The following NDUFAB1 variants were observed in gnomAD, a reference collection of about 807,000 sequenced individuals.
NDUFAB1 encodes NADH:ubiquinone oxidoreductase subunit AB1.
A neutral mutation model predicts 16.1 loss-of-function variants in NDUFAB1; 5 were observed. That is an observed-to-expected ratio of 0.31 (90% CI 0.16 to 0.65). The LOEUF is 0.65. NDUFAB1 is among the 30% of genes least tolerant of loss of function. The pLI is 0.77. For missense variants in NDUFAB1, 187 were observed against 205.3 expected (o/e 0.91, Z 0.54); for synonymous variants, 85 against 78.4 (o/e 1.08, Z -0.44).
intron 3 of NDUFAB1, 50 bp downstream of exon 3, chr16:23,585,286 A>C: frequency 7.5e-7 from 1 of 1,340,958 alleles, no homozygotes; most frequent in Non-Finnish European, 1.1e-6. Context: ...TTTCAGTTTA[A>C]TCCACCTTAA....
chr16:23,584,829 A>G (rs113322432), intron 3 of NDUFAB1, among the ~76,000 whole-genome samples: 10 of 152,332 alleles, frequency 6.6e-5, no homozygotes, highest in African/African-American at 2.4e-4. Context: ...TCACGCAGAA[A>G]CAGCCATGGA....
intron 1 of NDUFAB1, among the ~76,000 whole-genome samples, chr16:23,590,611 A>G (rs570586754): frequency 6.9e-6 from 1 of 145,326 alleles, no homozygotes; most frequent in Non-Finnish European, 1.5e-5. Flanking sequence ...TGATCCTACT[A>G]CCCTCTCATG....
chr16:23,594,531 T>C (rs1423218243), intron 1 of NDUFAB1, among the ~76,000 whole-genome samples: 1 of 151,764 alleles, frequency 6.6e-6, no homozygotes. Flanking sequence ...TTTTTGTATG[T>C]TTAGTAGAGA....
intron 3 of NDUFAB1, among the ~76,000 whole-genome samples, chr16:23,583,742 G>A (rs801755): frequency 0.028 from 3,509 of 123,998 alleles, 595 homozygotes; most frequent in African/African-American, 0.065. Context: ...CCCGGCAGCC[G>A]CCCCGTCAGG....
rs1491184220 is a variant in NDUFAB1 at position 23,584,255 on chromosome 16, T to TTAAAAAAAAAA, written c.379+1080_379+1081insTTTTTTTTTTA. On this transcript the variant is annotated intron_variant, in intron 3 of 4. Transcript: ENST00000007516. ...CGAGAAACACCCAAGAATGATCAAT[T>TTAAAAAAAAAA]AAAAAAAAAAAAAAAAAAAGAAACC... Among the ~76,000 whole-genome samples, 30 of 34,046 alleles carry TTAAAAAAAAAA rather than the reference T, an allele frequency of 8.8e-4. 5 individuals are homozygous for TTAAAAAAAAAA. The South Asian group carries it at 0.01, about 11-fold the overall frequency. 22.3% of individuals were successfully genotyped at this position (34,046 alleles called of 152,430 possible).
In NDUFAB1 at chr16:23,596,243, G is replaced by T. The variant is rs1185074115; in HGVS notation, c.48C>A (p.Ala16=). ...LSAYVSRLPA[A]FAPLPRVRML... ...TCCGGACCCGGGGCAGCGGCGCAAA[G>T]GCCGCGGGCAGGCGGCTGACATAGG... The change falls in exon 1 of 5, where the codon GCC becomes GCA. Residue 16 remains alanine (A), a synonymous_variant. Coordinates refer to ENST00000007516, the MANE Select transcript of NDUFAB1 (RefSeq NM_005003.3). 2 of 1,603,740 alleles carry T rather than the reference G, an allele frequency of 1.2e-6. No homozygotes were observed. The highest frequency in any genetic ancestry group is 1.1e-5 in the South Asian group (1 of 89,904).
chr16:23,595,165 T>C (rs1029271623), intron 1 of NDUFAB1, among the ~76,000 whole-genome samples: 1 of 151,940 alleles, frequency 6.6e-6, no homozygotes, highest in South Asian at 2.1e-4. Flanking sequence ...GGGAGGAGAA[T>C]TGCTTGAACC....
chr16:23,581,395 A>G (rs1966178140), intron 4 of NDUFAB1, among the ~76,000 whole-genome samples: 1 of 151,994 alleles, frequency 6.6e-6, no homozygotes, highest in African/African-American at 2.4e-5. Context: ...AAAATATAAA[A>G]ATTAGCTGGG....
At chr16:23,583,070 C>T (rs958935072) in intron 3 of NDUFAB1, among the ~76,000 whole-genome samples, 1 of 152,258 alleles carries the variant, frequency 6.6e-6, no homozygotes, top group African/African-American at 2.4e-5. Context: ...CTGCCAGCCT[C>T]GGCCTCCCGA....
chr16:23,585,862 C>CT (rs781249868), intron 2 of NDUFAB1, among the ~76,000 whole-genome samples: 1 of 152,130 alleles, frequency 6.6e-6, no homozygotes, highest in Non-Finnish European at 1.5e-5. Context: ...ACATGGTTTG[C>CT]TTTATCTTAC....
At chr16:23,586,102 AT>A (rs1966230518) in intron 2 of NDUFAB1, among the ~76,000 whole-genome samples, 1 of 151,486 alleles carries the variant, frequency 6.6e-6, no homozygotes, top group African/African-American at 2.4e-5. Flanking sequence ...TAATTTTTGT[AT>A]TTTTAGTAGA....
At chr16:23,587,744 T>C (rs1966245859) in intron 1 of NDUFAB1, among the ~76,000 whole-genome samples, 1 of 152,254 alleles carries the variant, frequency 6.6e-6, no homozygotes, top group Non-Finnish European at 1.5e-5. Context: ...GAAAGAGCTG[T>C]CATGGTAAAC....
At chr16:23,584,287 C>A (rs1308303646) in intron 3 of NDUFAB1, among the ~76,000 whole-genome samples, 2 of 95,164 alleles carry the variant, frequency 2.1e-5, no homozygotes, top group Admixed American at 2.0e-4. Context: ...AACCCAGTGC[C>A]CGTCAGCAGT....
intron 1 of NDUFAB1, among the ~76,000 whole-genome samples, chr16:23,590,636 C>CTCTATTTCTTCT (rs138907008): frequency 0.026 from 2,805 of 106,140 alleles, 105 homozygotes; most frequent in African/African-American, 0.11. Flanking sequence ...TGCCTCTGGT[C>CTCTATTTCTTCT]TCTTTTTTTT....
intron 3 of NDUFAB1, among the ~76,000 whole-genome samples, chr16:23,585,012 T>C (rs1255839476): frequency 6.6e-6 from 1 of 152,252 alleles, no homozygotes; most frequent in African/African-American, 2.4e-5. Context: ...GTCATCAGCA[T>C]GTGTTCCGGG....
At chr16:23,585,474 T>G (rs754914821) in intron 2 of NDUFAB1, 51 bp from the exon 3 acceptor site, 9 of 1,306,698 alleles carry the variant, frequency 6.9e-6, no homozygotes, top group Non-Finnish European at 1.0e-5. Flanking sequence ...AAGCATCTGC[T>G]TCCCAAGATA....
chr16:23,584,330 C>CCGTGTACTT (rs111252909), intron 3 of NDUFAB1, among the ~76,000 whole-genome samples: 15,241 of 148,512 alleles, frequency 0.1, 992 homozygotes, highest in African/African-American at 0.17. Context: ...TGGCAACCAC[C>CCGTGTACTT]CGTGTACTTT....
chr16:23,584,676 T>A (rs1321010340), intron 3 of NDUFAB1, among the ~76,000 whole-genome samples: 1 of 152,160 alleles, frequency 6.6e-6, no homozygotes, highest in East Asian at 1.9e-4. Context: ...GGCTCATACC[T>A]GACTAAGCTC....
chr16:23,584,733 C>A (rs930859927), intron 3 of NDUFAB1, among the ~76,000 whole-genome samples: 2 of 152,226 alleles, frequency 1.3e-5, no homozygotes, highest in African/African-American at 4.8e-5. Context: ...GGATTCCATC[C>A]TAGTCAGCAT....
Sources: gnomAD v4.1 joint callset for allele counts (sites outside exome capture counted in the v4.1 genomes callset) on GRCh38, gnomAD v4.1.1 for gene constraint, MANE v1.5 for transcripts, NCBI Gene and HGNC (gene_info 2026-07-23, HGNC 2026-07-21) for gene names.